Variants in RNF180 observed in about 807,000 individuals in gnomAD.
The protein encoded by RNF180 is ring finger protein 180.
Under a neutral mutation model 59.2 loss-of-function variants are expected in RNF180, and 38 were observed. The observed-to-expected ratio is 0.64, with a 90% CI of 0.50 to 0.84. The LOEUF is 0.84. RNF180 is among the 40% of genes least tolerant of loss of function. RNF180 has a pLI of 0.00. For missense variants in RNF180, 705 were observed against 700.9 expected (o/e 1.01, Z -0.07); for synonymous variants, 262 against 240.3 (o/e 1.09, Z -0.84).
intron 7 of RNF180, among the ~76,000 whole-genome samples, chr5:64,351,483 G>A (rs1387625343): frequency 6.6e-6 from 1 of 152,070 alleles, no homozygotes; most frequent in African/African-American, 2.4e-5. Context: ...TCTTGTGCCA[G>A]TTTTCAAAGG....
intron 5 of RNF180, among the ~76,000 whole-genome samples, chr5:64,299,555 A>T (rs1229625682): frequency 2.6e-5 from 4 of 151,978 alleles, no homozygotes; most frequent in Non-Finnish European, 5.9e-5. Context: ...AATTGATTTA[A>T]ATATCTAGGC....
chr5:64,348,733 T>C (rs1745659286), intron 7 of RNF180, among the ~76,000 whole-genome samples: 1 of 152,058 alleles, frequency 6.6e-6, no homozygotes, highest in Non-Finnish European at 1.5e-5. Flanking sequence ...ATTTAAAATA[T>C]TAAGTACTAG....
intron 7 of RNF180, among the ~76,000 whole-genome samples, chr5:64,337,610 C>G (rs898829876): frequency 1.3e-5 from 2 of 151,354 alleles, no homozygotes; most frequent in Non-Finnish European, 2.9e-5. Flanking sequence ...CACCCATTAA[C>G]TCATCATTTA....
intron 1 of RNF180, among the ~76,000 whole-genome samples, chr5:64,188,978 T>C (rs1001427069): frequency 6.6e-6 from 1 of 151,892 alleles, no homozygotes; most frequent in African/African-American, 2.4e-5. Context: ...CCCAATCTAA[T>C]AGGACTAGTG....
intron 5 of RNF180, among the ~76,000 whole-genome samples, chr5:64,272,614 G>A (rs1741476328): frequency 6.6e-6 from 1 of 151,936 alleles, no homozygotes; most frequent in Non-Finnish European, 1.5e-5. Context: ...GACACAGTAT[G>A]CAAAAATTAT....
At chr5:64,225,446 G>C (rs1343867562) in intron 5 of RNF180, among the ~76,000 whole-genome samples, 5 of 117,782 alleles carry the variant, frequency 4.2e-5, no homozygotes, top group South Asian at 3.2e-4. Context: ...TGCCCAGCCG[G>C]CCATCGTCTG....
chr5:64,302,592 A>G (rs1316569521), intron 5 of RNF180, among the ~76,000 whole-genome samples: 1 of 151,640 alleles, frequency 6.6e-6, no homozygotes, highest in East Asian at 1.9e-4. Context: ...AGAAGCTGTC[A>G]TGGCAGAACT....
At chr5:64,267,358 ATTTG>A (rs967370444) in intron 5 of RNF180, among the ~76,000 whole-genome samples, 30 of 151,564 alleles carry the variant, frequency 2.0e-4, no homozygotes, top group African/African-American at 6.8e-4. Context: ...TTATTTATTT[ATTTG>A]TTATTATACT....
chr5:64,369,561 T>G, intron 7 of RNF180, 54 bp from the exon 8 acceptor site: 1 of 1,152,596 alleles, frequency 8.7e-7, no homozygotes, highest in Non-Finnish European at 1.2e-6. Context: ...ACAGCTTCTT[T>G]TCTGAGCACT....
chr5:64,221,994 T>G lies in RNF180; in HGVS notation c.1227+4598T>G, dbSNP rs377095757. 6.0e-4 allele frequency among the ~76,000 whole-genome samples: 92 copies of G among 152,326 alleles called. 1 individual carries two copies. The East Asian group carries it at 6.6e-3, about 11-fold the overall frequency. On this transcript the variant is annotated intron_variant, in intron 5 of 7. Coordinates refer to ENST00000389100, the MANE Select transcript of RNF180 (RefSeq NM_001113561.2). Reference sequence around the variant, plus strand: ...TAGTTTTTACCTAATAAGTCTTTTTTTTGTTGTTTCAGAATCTCATCTAGG... The same window carrying G: ...TAGTTTTTACCTAATAAGTCTTTTTGTTGTTGTTTCAGAATCTCATCTAGG...
chr5:64,283,413 G>C (rs889906138), intron 5 of RNF180, among the ~76,000 whole-genome samples: 1 of 152,004 alleles, frequency 6.6e-6, no homozygotes. Flanking sequence ...GTTGGGTCTT[G>C]CTTCTTTATC....
At chr5:64,263,550 A>C (rs1340370500) in intron 5 of RNF180, among the ~76,000 whole-genome samples, 1 of 152,192 alleles carries the variant, frequency 6.6e-6, no homozygotes, top group African/African-American at 2.4e-5. Context: ...GAAGTGAAAA[A>C]GCAATTGACG....
rs749667360 is a variant in RNF180, at chr5:64,213,631, C to T, written c.305C>T (p.Thr102Ile). Reference sequence around the variant, plus strand: ...TTAGGGGGCTTTAATTTTGTCAGCACTCCAAAATGTTCCTGTGGCCAGCTT... The same window carrying T: ...TTAGGGGGCTTTAATTTTGTCAGCATTCCAAAATGTTCCTGTGGCCAGCTT... Reference protein sequence around the residue: ...ARLGGFNFVSTPKCSCGQLAA... With the variant: ...ARLGGFNFVSIPKCSCGQLAA... Residue 102 changes from threonine to isoleucine, a missense_variant, in exon 4 of 8, where the codon ACT (threonine) becomes ATT (isoleucine). Coordinates refer to ENST00000389100, the MANE Select transcript of RNF180 (RefSeq NM_001113561.2). 1 of 1,614,146 alleles carries T rather than the reference C, an allele frequency of 6.2e-7. No homozygotes were observed. Among genetic ancestry groups the T allele is most frequent in the Non-Finnish European group, 8.5e-7 (1 of 1,180,000 alleles).
At chr5:64,174,110 A>C (rs1750100854) in intron 1 of RNF180, among the ~76,000 whole-genome samples, 1 of 152,194 alleles carries the variant, frequency 6.6e-6, no homozygotes, top group Non-Finnish European at 1.5e-5. Flanking sequence ...CTCCAGACTC[A>C]TCCATGTTGC....
At chr5:64,249,002 G>A (rs1035937572) in intron 5 of RNF180, among the ~76,000 whole-genome samples, 5 of 152,100 alleles carry the variant, frequency 3.3e-5, no homozygotes, top group African/African-American at 9.7e-5. Flanking sequence ...ACTAACACAG[G>A]AATAGAAAAC....
chr5:64,262,981 A>G (rs1448707785), intron 5 of RNF180, among the ~76,000 whole-genome samples: 2 of 152,192 alleles, frequency 1.3e-5, no homozygotes, highest in Non-Finnish European at 2.9e-5. Context: ...AACAAGATGT[A>G]AAATAGAAGT....
intron 5 of RNF180, among the ~76,000 whole-genome samples, chr5:64,249,577 G>A (rs535188547): frequency 6.6e-6 from 1 of 151,374 alleles, no homozygotes; most frequent in South Asian, 2.1e-4. Context: ...GCCAACAGGA[G>A]ACTAACTTGA....
At chr5:64,319,347 A>G (rs190844806) in intron 5 of RNF180, among the ~76,000 whole-genome samples, 5 of 152,292 alleles carry the variant, frequency 3.3e-5, no homozygotes, top group South Asian at 2.1e-4. Context: ...CACCACTGGG[A>G]AAATTGGTAA....
intron 1 of RNF180, among the ~76,000 whole-genome samples, chr5:64,187,158 G>T (rs911513893): frequency 6.6e-6 from 1 of 152,160 alleles, no homozygotes; most frequent in African/African-American, 2.4e-5. Flanking sequence ...AGATATATTT[G>T]TGAGAAAAAG....
Sources: gnomAD v4.1 joint callset for allele counts (sites outside exome capture counted in the v4.1 genomes callset) on GRCh38, gnomAD v4.1.1 for gene constraint, MANE v1.5 for transcripts, NCBI Gene and HGNC (gene_info 2026-07-23, HGNC 2026-07-21) for gene names.